APBA2: variants seen among roughly 807,000 people sequenced by gnomAD.
APBA2 encodes the protein amyloid beta precursor protein binding family A member 2, also known as amyloid-beta A4 precursor protein-binding family A member 2.
APBA2 carries 30 observed loss-of-function variants against 75.0 expected under a neutral mutation model. The ratio of observed to expected loss-of-function variants is 0.40; its 90% confidence interval spans 0.30 to 0.54. The LOEUF (loss-of-function observed/expected upper bound fraction) is 0.54. Among genes scored for constraint, APBA2 ranks in the 20% least tolerant of loss-of-function variants. The probability of loss-of-function intolerance (pLI) is 0.49; values close to 1 mark genes in which losing one functional copy is unlikely to be tolerated. For synonymous variants in APBA2, 444 were observed against 409.6 expected (o/e 1.08, Z -1.01); for missense variants, 801 against 1,016.1 (o/e 0.79, Z 2.88).
At chr15:28,955,426 G>A (rs1421613311) in intron 2 of APBA2, among the ~76,000 whole-genome samples, 1 of 152,118 alleles carries the variant, frequency 6.6e-6, no homozygotes, top group Non-Finnish European at 1.5e-5. Flanking sequence ...GCCAGTACTG[G>A]AACCCTGTCC....
chr15:28,911,825 A>G (rs2033442842), intron 1 of APBA2, among the ~76,000 whole-genome samples: 1 of 152,156 alleles, frequency 6.6e-6, no homozygotes, highest in Admixed American at 6.5e-5. Flanking sequence ...TTAGTGATGG[A>G]GGGATGGAAA....
chr15:28,972,709 C>T (rs2037129494), intron 2 of APBA2, among the ~76,000 whole-genome samples: 1 of 152,200 alleles, frequency 6.6e-6, no homozygotes. Flanking sequence ...AGTGATATGT[C>T]AGAGGCTGGA....
At chr15:28,915,108 TCA>T (rs2033612513) in intron 1 of APBA2, among the ~76,000 whole-genome samples, 1 of 6,506 alleles carries the variant, frequency 1.5e-4, no homozygotes, top group Non-Finnish European at 3.1e-4. Flanking sequence ...CATACCCACC[TCA>T]CACACACCAC....
At chr15:28,887,248 G>T (rs1245275798) in intron 1 of APBA2, among the ~76,000 whole-genome samples, 1 of 152,222 alleles carries the variant, frequency 6.6e-6, no homozygotes, top group Admixed American at 6.5e-5. Context: ...GGCATCTTGC[G>T]TCTGGCACTG....
chr15:29,111,575 C>T (rs1258722984), intron 13 of APBA2, among the ~76,000 whole-genome samples: 1 of 152,162 alleles, frequency 6.6e-6, no homozygotes, highest in Non-Finnish European at 1.5e-5. Context: ...CTGAGTGGCT[C>T]GGCTGCCTGG....
At chr15:29,093,477 G>A (rs2043688109) in intron 7 of APBA2, among the ~76,000 whole-genome samples, 1 of 152,212 alleles carries the variant, frequency 6.6e-6, no homozygotes, top group South Asian at 2.1e-4. Flanking sequence ...AAAGATCATC[G>A]TTCCAAAGCA....
intron 6 of APBA2, among the ~76,000 whole-genome samples, chr15:29,080,337 G>A (rs528981632): frequency 3.3e-5 from 5 of 152,266 alleles, no homozygotes; most frequent in African/African-American, 9.6e-5. Context: ...CGACCCTCAC[G>A]CAGTGGGTGA....
rs1049981748 is a variant in APBA2 at position 28,988,408 on chromosome 15, C to T, written c.-94-7345C>T. On this transcript the variant is annotated intron_variant, in intron 2 of 14. Transcript: ENST00000683413. ...CTTCCCGAGTAGCTGGGATTACAGG[C>T]GCCCGCCACTGCACACAGCTAATTT... Among the ~76,000 whole-genome samples, 188 of 151,714 alleles carry T rather than the reference C, an allele frequency of 1.2e-3. 5 individuals carry two copies. The highest frequency in any genetic ancestry group is 6.3e-3 in the Middle Eastern group (2 of 316).
chr15:28,988,553 C>T (rs181327171), intron 2 of APBA2, among the ~76,000 whole-genome samples: 59 of 152,274 alleles, frequency 3.9e-4, no homozygotes, highest in African/African-American at 1.4e-3. Flanking sequence ...CCTGAGCCAC[C>T]GCGCCCATCC....
chr15:28,905,577 G>A (rs2033091438), intron 1 of APBA2, among the ~76,000 whole-genome samples: 1 of 152,188 alleles, frequency 6.6e-6, no homozygotes, highest in Admixed American at 6.5e-5. Flanking sequence ...ATTTTGAGAT[G>A]GAGGTGTTGC....
intron 3 of APBA2, among the ~76,000 whole-genome samples, chr15:29,012,344 T>C (rs1417749779): frequency 1.3e-5 from 2 of 152,212 alleles, no homozygotes; most frequent in African/African-American, 4.8e-5. Context: ...AGAATATCTT[T>C]AAATTTGAGT....
chr15:29,094,238 C>G, intron 7 of APBA2, 40 bp from the exon 8 acceptor site: 1 of 1,611,286 alleles, frequency 6.2e-7, no homozygotes, highest in Non-Finnish European at 8.5e-7. Flanking sequence ...TTCCTTCTCT[C>G]TGTGCCAACT....
intron 1 of APBA2, among the ~76,000 whole-genome samples, chr15:28,892,510 C>T (rs1167690301): frequency 6.6e-6 from 1 of 152,144 alleles, no homozygotes; most frequent in Non-Finnish European, 1.5e-5. Flanking sequence ...TGGCCTGTAA[C>T]CTATAGCCAA....
At chr15:28,958,712 A>G (rs1343323440) in intron 2 of APBA2, among the ~76,000 whole-genome samples, 2 of 152,110 alleles carry the variant, frequency 1.3e-5, no homozygotes, top group African/African-American at 2.4e-5. Flanking sequence ...TCCAGTGCTT[A>G]TCAAATCCAG....
At chr15:28,887,626 G>C (rs1226112696) in intron 1 of APBA2, among the ~76,000 whole-genome samples, 1 of 152,190 alleles carries the variant, frequency 6.6e-6, no homozygotes, top group Non-Finnish European at 1.5e-5. Context: ...GCTTCCCCCT[G>C]CAGCCTGGGC....
chr15:28,887,299 G>T (rs1407624532), intron 1 of APBA2, among the ~76,000 whole-genome samples: 1 of 152,196 alleles, frequency 6.6e-6, no homozygotes, highest in Non-Finnish European at 1.5e-5. Flanking sequence ...AACCTCCTGT[G>T]CCTCTTTCTG....
chr15:29,023,982 C>T (rs771290318), intron 3 of APBA2, among the ~76,000 whole-genome samples: 8 of 150,978 alleles, frequency 5.3e-5, no homozygotes, highest in Admixed American at 2.6e-4. Context: ...CGGCTCACTG[C>T]AACCTCCACC....
At chr15:28,929,256 C>T (rs1479390628) in intron 2 of APBA2, among the ~76,000 whole-genome samples, 3 of 152,298 alleles carry the variant, frequency 2.0e-5, no homozygotes, top group East Asian at 1.9e-4. Context: ...TGTTCCCTTG[C>T]GTCCTTGCAC....
At chr15:29,007,439 G>C (rs1001548948) in intron 3 of APBA2, among the ~76,000 whole-genome samples, 31 of 152,162 alleles carry the variant, frequency 2.0e-4, no homozygotes, top group African/African-American at 7.2e-4. Flanking sequence ...CAGTGAAAAG[G>C]CAACCCAAGG....
Sources: gnomAD v4.1 joint callset for allele counts (sites outside exome capture counted in the v4.1 genomes callset) on GRCh38, gnomAD v4.1.1 for gene constraint, MANE v1.5 for transcripts, NCBI Gene and HGNC (gene_info 2026-07-23, HGNC 2026-07-21) for gene names.